The following SH3GL2 variants were observed in gnomAD, a reference collection of about 807,000 sequenced individuals.
SH3GL2 encodes SH3 domain containing GRB2 like 2, endophilin A1, also known as endophilin-A1.
A neutral mutation model predicts 46.0 loss-of-function variants in SH3GL2; 24 were observed. That is an observed-to-expected ratio of 0.52 (90% CI 0.38 to 0.73). The LOEUF (loss-of-function observed/expected upper bound fraction) is 0.73, where lower values mean the gene tolerates loss of function less well. SH3GL2 is among the 30% of genes least tolerant of loss of function. The pLI, the probability that SH3GL2 is intolerant of heterozygous loss-of-function variation, is 0.00. For missense variants in SH3GL2, 413 were observed against 424.2 expected, an observed-to-expected ratio of 0.97 and a Z score of 0.23; for synonymous variants, 196 against 147.1, an observed-to-expected ratio of 1.33 and a Z score of -2.40.
At chr9:17,639,539 G>A (rs1819623079) in intron 1 of SH3GL2, among the ~76,000 whole-genome samples, 1 of 152,222 alleles carries the variant, frequency 6.6e-6, no homozygotes, top group African/African-American at 2.4e-5. Flanking sequence ...TGCTGGTGAC[G>A]ATGTGGAGCA....
chr9:17,628,450 G>GTGTGTA, intron 1 of SH3GL2, among the ~76,000 whole-genome samples: 1 of 143,846 alleles, frequency 7.0e-6, no homozygotes, highest in Admixed American at 6.9e-5. Context: ...GTGTGTGTGT[G>GTGTGTA]TGTATGTGCA....
In SH3GL2 at chr9:17,724,110, G is replaced by A. The variant is rs116118246; in HGVS notation, c.46-22956G>A. ...GTCTCTCATCTCCTTCTTGTATTTT[G>A]ATTATGTGTTGGTTTGCTAACTGCT... On this transcript the variant is annotated intron_variant, in intron 1 of 8. Coordinates refer to ENST00000380607, the MANE Select transcript of SH3GL2 (RefSeq NM_003026.5). Among the ~76,000 whole-genome samples the A allele has an allele frequency of 5.8e-3, 877 of 151,860 alleles. 8 individuals carry two copies. The highest frequency in any genetic ancestry group is 0.02 in the African/African-American group (833 of 41,414).
intron 1 of SH3GL2, among the ~76,000 whole-genome samples, chr9:17,700,035 G>C (rs1272134243): frequency 6.9e-6 from 1 of 145,118 alleles, no homozygotes; most frequent in African/African-American, 2.7e-5. Context: ...TGTCACGCTT[G>C]CTGATGATCT....
chr9:17,579,250 T>C lies in SH3GL2; in HGVS notation c.8T>C (p.Val3Ala). MS[V>A]AGLKKQFHKA... is the part of the protein sequence containing the mutation. ...AGCGCGGCCTCCTGCACCATGTCGG[T>C]GGCCGGCCTCAAGAAGCAGTTCCAT... The change falls in exon 1 of 9, where the codon GTG becomes GCG. Residue 3 changes from valine to alanine, a missense_variant. Val to Ala is a moderately conservative substitution (Grantham distance 64). This residue lies in a region of SH3GL2 where 160 missense variants were observed against 192.3 expected (regional missense o/e 0.83). Transcript: ENST00000380607. The C allele has an allele frequency of 6.4e-7, 1 of 1,564,720 alleles. No homozygotes were observed.
At chr9:17,645,648 T>C (rs1426438796) in intron 1 of SH3GL2, among the ~76,000 whole-genome samples, 1 of 152,184 alleles carries the variant, frequency 6.6e-6, no homozygotes, top group Non-Finnish European at 1.5e-5. Flanking sequence ...TTTGGCTGGA[T>C]ATGAAATTCT....
chr9:17,750,690 G>A (rs192990772), intron 2 of SH3GL2, among the ~76,000 whole-genome samples: 174 of 152,288 alleles, frequency 1.1e-3, no homozygotes, highest in African/African-American at 3.9e-3. Flanking sequence ...AAAGCTATAG[G>A]ATTTTTTGTT....
intron 1 of SH3GL2, among the ~76,000 whole-genome samples, chr9:17,710,601 C>G (rs115989830): frequency 6.6e-6 from 1 of 151,958 alleles, no homozygotes; most frequent in Non-Finnish European, 1.5e-5. Flanking sequence ...ATTTGTACAT[C>G]CATGTTCACA....
At position 17,757,157 on chromosome 9, in the gene SH3GL2, C is replaced by G. The variant is rs1473402256; in HGVS notation, c.115-4280C>G. Reference sequence around the variant, plus strand: ...AAGTGTCTGTTCCTATCCTTTGCCCCCTTTTTGAAGACTTAAATGTTAGAC... The same window carrying G: ...AAGTGTCTGTTCCTATCCTTTGCCCGCTTTTTGAAGACTTAAATGTTAGAC... On this transcript the variant is annotated intron_variant, in intron 2 of 8. Transcript: ENST00000380607. Among the ~76,000 whole-genome samples the G allele has an allele frequency of 2.0e-5, 3 of 152,034 alleles. No homozygotes were observed. In the East Asian group the frequency reaches 5.8e-4, roughly 29 times the overall value.
chr9:17,644,633 TTGAG>T (rs1819762850), intron 1 of SH3GL2, among the ~76,000 whole-genome samples: 1 of 152,216 alleles, frequency 6.6e-6, no homozygotes, highest in African/African-American at 2.4e-5. Flanking sequence ...TCGTGCGGTT[TTGAG>T]TGAGTTTCTT....
chr9:17,788,061 A>G (rs768149388), intron 5 of SH3GL2, among the ~76,000 whole-genome samples: 5 of 152,208 alleles, frequency 3.3e-5, no homozygotes, highest in Admixed American at 6.5e-5. Context: ...AGCTGTTTAT[A>G]ATAAAGTTCA....
At chr9:17,581,255 A>G (rs1818272260) in intron 1 of SH3GL2, among the ~76,000 whole-genome samples, 1 of 152,206 alleles carries the variant, frequency 6.6e-6, no homozygotes, top group Non-Finnish European at 1.5e-5. Flanking sequence ...TAAAGTGTAG[A>G]AAAAATAATT....
chr9:17,695,549 A>C (rs1821181540), intron 1 of SH3GL2, among the ~76,000 whole-genome samples: 1 of 152,100 alleles, frequency 6.6e-6, no homozygotes, highest in Non-Finnish European at 1.5e-5. Flanking sequence ...CTCAGATGGC[A>C]ACTTTGAGGA....
At chr9:17,774,627 A>G (rs1445119552) in intron 3 of SH3GL2, among the ~76,000 whole-genome samples, 1 of 151,784 alleles carries the variant, frequency 6.6e-6, no homozygotes, top group Non-Finnish European at 1.5e-5. Flanking sequence ...ATATGCTTGT[A>G]TTTCAGGAAC....
Position 17,601,320 on chromosome 9 carries a change from G to A in SH3GL2, c.45+22033G>A, listed in dbSNP as rs568025825. Among the ~76,000 whole-genome samples the A allele has an allele frequency of 2.3e-3, 353 of 152,194 alleles. 1 individual carries two copies. The highest frequency in any genetic ancestry group is 2.1e-3 in the Non-Finnish European group (140 of 68,024). On this transcript the variant is annotated intron_variant, in intron 1 of 8. Coordinates refer to ENST00000380607, the MANE Select transcript of SH3GL2 (RefSeq NM_003026.5). ...GAAAGGTGGAAAAAATAAACACAGG[G>A]CTTAATGTTGAGAGGGTATTTTTAG...
At position 17,580,897 on chromosome 9, in the gene SH3GL2, C is replaced by G. The variant is rs140898095; in HGVS notation, c.45+1610C>G. 1.8e-3 allele frequency among the ~76,000 whole-genome samples: 281 copies of G among 152,308 alleles called. 1 individual carries two copies. The highest frequency in any genetic ancestry group is 6.4e-3 in the African/African-American group (266 of 41,558). ...GATTTCTTTTGCAAAGCTTAGTGCC[C>G]TCAAAGGCAATTAAGAGTCTTGGCT... On this transcript the variant is annotated intron_variant, in intron 1 of 8. Coordinates refer to ENST00000380607, the MANE Select transcript of SH3GL2 (RefSeq NM_003026.5).
intron 1 of SH3GL2, among the ~76,000 whole-genome samples, chr9:17,693,677 A>T (rs1351023693): frequency 1.3e-5 from 2 of 152,168 alleles, no homozygotes; most frequent in Non-Finnish European, 2.9e-5. Flanking sequence ...AAAATTTGTA[A>T]TTCTTTTCCT....
At chr9:17,749,566 C>T (rs1341959480) in intron 2 of SH3GL2, among the ~76,000 whole-genome samples, 1 of 152,158 alleles carries the variant, frequency 6.6e-6, no homozygotes, top group African/African-American at 2.4e-5. Context: ...CAGAATTTGA[C>T]ACTTCCTTTT....
At chr9:17,663,902 C>A (rs185416348) in intron 1 of SH3GL2, among the ~76,000 whole-genome samples, 1 of 152,200 alleles carries the variant, frequency 6.6e-6, no homozygotes. Context: ...ACTTATTGTT[C>A]TTTTTTTCTT....
At chr9:17,605,288 T>A (rs1818742778) in intron 1 of SH3GL2, among the ~76,000 whole-genome samples, 1 of 152,090 alleles carries the variant, frequency 6.6e-6, no homozygotes, top group South Asian at 2.1e-4. Flanking sequence ...TACAGTTACT[T>A]TTGTTTCCAA....
Sources: allele counts gnomAD v4.1 joint callset (sites outside exome capture counted in the v4.1 genomes callset), GRCh38; gene constraint gnomAD v4.1.1; regional missense constraint gnomAD v4.1.1; transcripts MANE v1.5; gene names NCBI Gene and HGNC (gene_info 2026-07-23, HGNC 2026-07-21).